The following DMD variants were observed in gnomAD, a reference collection of about 807,000 sequenced individuals.
DMD encodes the protein dystrophin, also known as mutant dystrophin.
In DMD, 63 loss-of-function variants were observed where a neutral mutation model predicts 330.1. The observed-to-expected ratio is 0.19, with a 90% CI of 0.16 to 0.24. DMD has a LOEUF of 0.24. DMD is among the 10% of genes least tolerant of loss of function. The probability of loss-of-function intolerance (pLI) is 1.00; values close to 1 mark genes in which losing one functional copy is unlikely to be tolerated. For synonymous variants in DMD, 1,223 were observed against 959.8 expected, an observed-to-expected ratio of 1.27 and a Z score of -5.07; for missense variants, 3,344 against 2,684.1, an observed-to-expected ratio of 1.25 and a Z score of -5.43.
chrX:32,872,479 A>G (rs1336555877), intron 2 of DMD, among the ~76,000 whole-genome samples: 1 of 112,397 alleles, frequency 8.9e-6, no homozygotes, highest in Non-Finnish European at 1.9e-5. Flanking sequence ...TAGATTGAAT[A>G]ATGATTTAGT....
intron 67 of DMD, among the ~76,000 whole-genome samples, chrX:31,196,739 T>G (rs2042920486): frequency 4.2e-5 from 4 of 95,604 alleles, no homozygotes. Context: ...GAGAATCACT[T>G]GAACCTGGGA....
At chrX:32,605,312 A>C (rs1354252522) in intron 12 of DMD, among the ~76,000 whole-genome samples, 2 of 110,771 alleles carry the variant, frequency 1.8e-5, no homozygotes, top group Non-Finnish European at 3.8e-5. Context: ...GGGAAAGGAC[A>C]TCCTATTCAG....
chrX:32,898,263 C>A (rs2085913711), intron 2 of DMD, among the ~76,000 whole-genome samples: 1 of 111,752 alleles, frequency 8.9e-6, no homozygotes, highest in Non-Finnish European at 1.9e-5. Context: ...TAGAGAGTCA[C>A]TTCCTGCCTC....
At chrX:32,495,954 A>G (rs2043454143) in intron 19 of DMD, among the ~76,000 whole-genome samples, 1 of 111,990 alleles carries the variant, frequency 8.9e-6, no homozygotes, top group Non-Finnish European at 1.9e-5. Flanking sequence ...GGGATAATGG[A>G]TCATAATCCA....
chrX:32,392,184 T>G (rs185237575), intron 30 of DMD, among the ~76,000 whole-genome samples: 2 of 111,681 alleles, frequency 1.8e-5, no homozygotes, highest in Admixed American at 1.9e-4. Flanking sequence ...AAGAAAGAAG[T>G]AGATGCATAG....
chrX:32,192,162 G>T (rs2096979054), intron 44 of DMD, among the ~76,000 whole-genome samples: 2 of 111,688 alleles, frequency 1.8e-5, no homozygotes, highest in African/African-American at 3.3e-5. Context: ...GCCTCAAGAA[G>T]AATCCCTGGT....
chrX:31,256,390 C>T (rs977113737), intron 63 of DMD, among the ~76,000 whole-genome samples: 13 of 111,417 alleles, frequency 1.2e-4, no homozygotes, highest in African/African-American at 4.2e-4. Context: ...CTATGTCTTG[C>T]TTTGTTTGTG....
At chrX:31,855,038 C>G (rs762064268) in intron 48 of DMD, among the ~76,000 whole-genome samples, 3 of 112,214 alleles carry the variant, frequency 2.7e-5, no homozygotes, top group African/African-American at 9.7e-5. Context: ...TGTCTGTTCA[C>G]GGTCTGTATT....
intron 1 of DMD, among the ~76,000 whole-genome samples, chrX:33,055,498 A>C (rs944351065): frequency 2.0e-4 from 23 of 112,329 alleles, no homozygotes; most frequent in African/African-American, 7.4e-4. Context: ...GTTAAAATAA[A>C]TTAGTTAAAC....
intron 29 of DMD, among the ~76,000 whole-genome samples, chrX:32,421,338 C>A (rs2098188696): frequency 8.9e-6 from 1 of 111,872 alleles, no homozygotes; most frequent in South Asian, 3.7e-4. Flanking sequence ...ATAGACAAGA[C>A]TGCAGTTTTG....
At chrX:32,410,467 C>A (rs191834308) in intron 30 of DMD, among the ~76,000 whole-genome samples, 3 of 111,938 alleles carry the variant, frequency 2.7e-5, no homozygotes, top group Non-Finnish European at 5.6e-5. Flanking sequence ...GCCCAGAACA[C>A]CTATTAACGG....
chrX:31,671,750 T>C (rs1052578670), intron 53 of DMD, among the ~76,000 whole-genome samples: 2 of 112,009 alleles, frequency 1.8e-5, no homozygotes, highest in African/African-American at 6.5e-5. Flanking sequence ...TTGGTAGTAA[T>C]GCACCCTCTT....
rs398123898 is a variant in DMD, at chrX:32,491,292, C to G, written c.2607G>C (p.Gln869His). 49 of 1,210,353 alleles carry G rather than the reference C, an allele frequency of 4.0e-5. No individual in the cohort carries two copies. Among genetic ancestry groups the G allele is most frequent in the Middle Eastern group, 4.6e-4 (2 of 4,353 alleles). The change falls in exon 20 of 79, where the codon CAG becomes CAC. Residue 869 changes from glutamine to histidine, a missense_variant. Coordinates refer to ENST00000357033, the MANE Select transcript of DMD (RefSeq NM_004006.3). ...AGATTCTTACCTTACAAATTTTTAA[C>G]TGACTTTTAATTGCTGTTGGCTCTG... ...TPSEPTAIKS[Q>H]LKICKDEVNR... is the part of the protein sequence containing the mutation.
chrX:33,297,849 G>A (rs976038815), intron 1 of DMD, among the ~76,000 whole-genome samples: 1 of 109,993 alleles, frequency 9.1e-6, no homozygotes, highest in African/African-American at 3.3e-5. Flanking sequence ...TGGTCAGAGA[G>A]TAGGAACCTT....
chrX:32,249,916 T>A (rs1259999815), intron 43 of DMD, among the ~76,000 whole-genome samples: 1 of 111,336 alleles, frequency 9.0e-6, no homozygotes, highest in East Asian at 2.8e-4. Context: ...CAGGAAAACT[T>A]GCAACCCTAG....
intron 44 of DMD, among the ~76,000 whole-genome samples, chrX:32,036,723 G>A (rs2095950254): frequency 9.0e-6 from 1 of 111,720 alleles, no homozygotes; most frequent in Admixed American, 9.5e-5. Flanking sequence ...TGCGTTCAAA[G>A]ACAAGATTAC....
chrX:31,636,658 A>G, intron 54 of DMD, among the ~76,000 whole-genome samples: 1 of 111,841 alleles, frequency 8.9e-6, no homozygotes, highest in Admixed American at 9.5e-5. Flanking sequence ...AAGTAAATAT[A>G]ATGGATATTA....
At chrX:31,180,520 G>A (rs375328434) in intron 68 of DMD, 39 bp from the exon 69 acceptor site, 40 of 898,268 alleles carry the variant, frequency 4.5e-5, no homozygotes, top group Non-Finnish European at 6.4e-5. Context: ...GTATTTCTTC[G>A]AATCAAATTC....
Position 32,118,233 on chromosome X carries a change from T to G in DMD, c.6438+98683A>C. On this transcript the variant is annotated intron_variant, in intron 44 of 78. Transcript: ENST00000357033. Reference sequence around the variant, plus strand: ...AGTAAAGTTTATTGCTTTACTTTATTAAACACTGATCACTGATGATCTGTT... The same window carrying G: ...AGTAAAGTTTATTGCTTTACTTTATGAAACACTGATCACTGATGATCTGTT... Among the ~76,000 whole-genome samples, 3 of 112,034 alleles carry G rather than the reference T, an allele frequency of 2.7e-5. No individual in the cohort carries two copies. The Middle Eastern group carries it at 0.014, about 516-fold the overall frequency.
Sources: gnomAD v4.1 joint callset for allele counts (sites outside exome capture counted in the v4.1 genomes callset) on GRCh38, gnomAD v4.1.1 for gene constraint, MANE v1.5 for transcripts, NCBI Gene and HGNC (gene_info 2026-07-23, HGNC 2026-07-21) for gene names.